Variants in MUC4 observed in about 807,000 individuals in gnomAD.
MUC4 encodes the protein mucin-4.
Under a neutral mutation model 257.9 loss-of-function variants are expected in MUC4, and 202 were observed. The observed-to-expected ratio is 0.78, with a 90% CI of 0.70 to 0.88. The LOEUF is 0.88. MUC4 is among the 40% of genes least tolerant of loss of function. The pLI, the probability that MUC4 is intolerant of heterozygous loss-of-function variation, is 0.00. For missense variants in MUC4, 5,976 were observed against 6,513.7 expected (o/e 0.92, Z 2.84); for synonymous variants, 2,351 against 2,757.1 (o/e 0.85, Z 4.62).
intron 1 of MUC4, among the ~76,000 whole-genome samples, chr3:195,806,213 C>A (rs1381567436): frequency 2.6e-5 from 4 of 152,220 alleles, no homozygotes; most frequent in Admixed American, 2.6e-4. Flanking sequence ...TTCAAGTCCT[C>A]CAAGGGGCCA....
intron 21 of MUC4, 60 bp downstream of exon 21, chr3:195,752,313 G>A (rs1577933789): frequency 9.8e-6 from 14 of 1,429,168 alleles, no homozygotes; most frequent in Admixed American, 1.7e-5. Flanking sequence ...CGATGGTTCC[G>A]CCCTGGCCTG....
chr3:195,762,679 C>T (rs1406300024), intron 13 of MUC4, among the ~76,000 whole-genome samples, 176 bp downstream of exon 13: 2 of 145,270 alleles, frequency 1.4e-5, no homozygotes, highest in Non-Finnish European at 3.1e-5. Context: ...TGCACCACAA[C>T]GCACCCGGCC....
Position 195,770,306 on chromosome 3 carries a change from C to G in MUC4, c.13308G>C (p.Lys4436Asn), listed in dbSNP as rs1261887027. Residue 4436 changes from lysine to asparagine, a missense_variant, in exon 6 of 25, where the codon AAG (lysine) becomes AAC (asparagine). Physicochemically the swap from Lys to Asn is moderately conservative, Grantham distance 94. Transcript: ENST00000463781. ...LVQQAESWIR[K>N]MTNNGGYKAR... is the part of the protein sequence containing the mutation. ...CCTTGTAGCCCCCGTTGTTTGTCAT[C>G]TTTCTAATCCAAGACTCGGCCTGCT... 1 of 1,613,990 alleles carries G rather than the reference C, an allele frequency of 6.2e-7. No homozygotes were observed. Among genetic ancestry groups the G allele is most frequent in the East Asian group, 2.2e-5 (1 of 44,886 alleles).
chr3:195,752,199 G>T, intron 21 of MUC4, 174 bp downstream of exon 21: 1 of 636,048 alleles, frequency 1.6e-6, no homozygotes, highest in Non-Finnish European at 2.8e-6. Context: ...TTTCTGTCTT[G>T]GGCCTTCCTC....
intron 1 of MUC4, among the ~76,000 whole-genome samples, chr3:195,794,607 C>T (rs1225930356): frequency 6.6e-6 from 1 of 152,146 alleles, no homozygotes; most frequent in Non-Finnish European, 1.5e-5. Context: ...AGCGATCCTC[C>T]TGCTTCAGAC....
At chr3:195,778,513 A>G in intron 2 of MUC4, 58 bp from the exon 3 acceptor site, 1 of 1,584,924 alleles carries the variant, frequency 6.3e-7, no homozygotes, top group East Asian at 2.2e-5. Flanking sequence ...CAGGAGAGTC[A>G]AAGAGATTCA....
chr3:195,769,824 T>C (rs2641781), intron 6 of MUC4: 145,492 of 173,574 alleles, frequency 0.84, 61,839 homozygotes, highest in African/African-American at 0.97. Flanking sequence ...CATTTGCCAG[T>C]GGCGTGACTC....
chr3:195,790,322 C>T lies in MUC4; in HGVS notation c.1258G>A (p.Ala420Thr), dbSNP rs945234457. The T allele has an allele frequency of 5.6e-6, 9 of 1,613,726 alleles. No individual in the cohort carries two copies. Among genetic ancestry groups the T allele is most frequent in the African/African-American group, 1.3e-5 (1 of 74,902 alleles). ...ATGGTTGAAACTTTGGAAGTGATTG[C>T]AGAAATGGTTCCACTTACAGATAGT... ...TSLSVSGTIS[A>T]ITSKVSTIWW... Residue 420 changes from alanine (A) to threonine (T), a missense_variant, in exon 2 of 25, where the codon GCA becomes ACA. Transcript: ENST00000463781.
chr3:195,803,040 T>C (rs1246110088), intron 1 of MUC4, among the ~76,000 whole-genome samples: 1 of 152,136 alleles, frequency 6.6e-6, no homozygotes, highest in Non-Finnish European at 1.5e-5. Context: ...CCCTCCCTTT[T>C]CTTACTGTCT....
rs750636087 is a variant in MUC4, at chr3:195,759,164, G to C, written c.14946C>G (p.Asn4982Lys). Residue 4982 changes from asparagine to lysine, a missense_variant, in exon 17 of 25, where the codon AAC becomes AAG. Physicochemically the swap from Asn to Lys is moderately conservative, Grantham distance 94. Around this residue, in one of 44 missense-constraint regions of MUC4, gnomAD observed 996 missense variants for 1,137.3 expected, o/e 0.88. Coordinates refer to ENST00000463781, the MANE Select transcript of MUC4 (RefSeq NM_018406.7). ...CGGTGCAGCTGTCTCTGAGCGTGAA[G>C]TTGGCATCCTCAGCATTGCTGGTGT... ...IQYTSNAEDA[N>K]FTLRDSCTDL... 2 of 1,614,092 alleles carry C rather than the reference G, an allele frequency of 1.2e-6. No homozygotes were observed. The highest frequency in any genetic ancestry group is 1.7e-6 in the Non-Finnish European group (2 of 1,180,010).
chr3:195,779,994 AGGG>A lies in MUC4; in HGVS notation c.11583_11585del (p.Pro3862del). 1 of 1,420,624 alleles carries A rather than the reference AGGG, an allele frequency of 7.0e-7. No individual in the cohort carries two copies. Among genetic ancestry groups the A allele is most frequent in the South Asian group, 1.3e-5 (1 of 78,824 alleles). 88.0% of individuals were successfully genotyped at this position (1,420,624 alleles called of 1,614,324 possible). ...TGGCGTGACCTGTGGATGCTGAGGAAGGGCTAGTGACAGGAAGAGGCATGGTGT... is the reference window on the plus strand; with the variant it reads ...TGGCGTGACCTGTGGATGCTGAGGAACTAGTGACAGGAAGAGGCATGGTGT... On this transcript the variant is annotated inframe_deletion, in exon 2 of 25. Coordinates refer to ENST00000463781, the MANE Select transcript of MUC4 (RefSeq NM_018406.7).
At chr3:195,765,549 C>T (rs1190066913) in intron 8 of MUC4, 100 bp from the exon 9 acceptor site, 3 of 1,199,960 alleles carry the variant, frequency 2.5e-6, no homozygotes, top group Non-Finnish European at 3.5e-6. Context: ...GCACCCCCTC[C>T]TGCCACTTCT....
chr3:195,780,073 C>T lies in MUC4; in HGVS notation c.11507G>A (p.Gly3836Asp), dbSNP rs1726677472. Residue 3836 changes from glycine (G) to aspartate (D), a missense_variant, in exon 2 of 25, where the codon GGT (glycine) becomes GAT (aspartate). Gly to Asp is a moderately conservative substitution (Grantham distance 94). Coordinates refer to ENST00000463781, the MANE Select transcript of MUC4 (RefSeq NM_018406.7). Reference protein sequence around the residue: ...PVTDASSASTGHATPLPVTIP... With the variant: ...PVTDASSASTDHATPLPVTIP... ...GGTGACAGGAAGAGGGGTGGCGTGA[C>T]CTGTGGATGCTGAGGAAGCGTCGGT... 2.6e-6 allele frequency: 2 copies of T among 765,698 alleles called. No homozygotes were observed. Among genetic ancestry groups the T allele is most frequent in the Admixed American group, 3.5e-5 (1 of 28,276 alleles). 47.4% of individuals were successfully genotyped at this position (765,698 alleles called of 1,614,324 possible).
chr3:195,763,162 C>G (rs947995087), intron 12 of MUC4, among the ~76,000 whole-genome samples: 1 of 152,230 alleles, frequency 6.6e-6, no homozygotes, highest in African/African-American at 2.4e-5. Context: ...TACAACAGCC[C>G]GTGAGGCAGG....
At chr3:195,752,610 G>T in intron 20 of MUC4, 164 bp from the exon 21 acceptor site, 1 of 625,266 alleles carries the variant, frequency 1.6e-6, no homozygotes, top group Non-Finnish European at 2.9e-6. Context: ...GTGACAGAAG[G>T]TCGCTGAAGA....
intron 4 of MUC4, among the ~76,000 whole-genome samples, chr3:195,773,895 G>T (rs981157579): frequency 1.3e-5 from 2 of 152,260 alleles, no homozygotes; most frequent in Non-Finnish European, 2.9e-5. Context: ...ACAAATCCCA[G>T]AAGGTGGAAA....
intron 1 of MUC4, among the ~76,000 whole-genome samples, chr3:195,806,944 G>A (rs1736061112): frequency 1.3e-5 from 2 of 152,148 alleles, no homozygotes; most frequent in Admixed American, 6.5e-5. Flanking sequence ...CTGGCCACTG[G>A]ACTTTTGGAA....
At chr3:195,756,779 C>T (rs1269777521) in intron 18 of MUC4, among the ~76,000 whole-genome samples, 7 of 152,060 alleles carry the variant, frequency 4.6e-5, no homozygotes, top group Non-Finnish European at 1.0e-4. Flanking sequence ...TTTCCTGCCG[C>T]AGCCTCCCGA....
In MUC4 at chr3:195,782,060, G is replaced by A. The variant is rs1263955840; in HGVS notation, c.9520C>T (p.Leu3174Phe). The change falls in exon 2 of 25, where the codon CTT becomes TTT. Residue 3174 changes from leucine (L) to phenylalanine (F), a missense_variant. Physicochemically the swap from Leu to Phe is conservative, Grantham distance 22 (BLOSUM62 0). Transcript: ENST00000463781. ...GQATPLPVTS[L>F]SSVSTGDTTP... The stretch of plus-strand genomic sequence containing the variant: ...GTGTCACCTGTGGATACTGAGGAAA[G>A]GCTGGTGACAGGAAGAGGGGTGGCC... The A allele has an allele frequency of 1.2e-5, 16 of 1,382,800 alleles. No individual in the cohort carries two copies. Among genetic ancestry groups the A allele is most frequent in the Non-Finnish European group, 1.4e-5 (15 of 1,057,782 alleles). 85.7% of individuals were successfully genotyped at this position (1,382,800 alleles called of 1,614,324 possible). A position where few individuals can be genotyped will look rare whatever the true frequency, so the allele number is the denominator to read the frequency against.
Sources: allele counts gnomAD v4.1 joint callset (sites outside exome capture counted in the v4.1 genomes callset), GRCh38; gene constraint gnomAD v4.1.1; regional missense constraint gnomAD v4.1.1; transcripts MANE v1.5; gene names NCBI Gene and HGNC (gene_info 2026-07-23, HGNC 2026-07-21).